RYR2: variants seen among roughly 807,000 people sequenced by gnomAD.
The protein encoded by RYR2 is ryanodine receptor 2.
In RYR2, 227 loss-of-function variants were observed where a neutral mutation model predicts 601.1. That is an observed-to-expected ratio of 0.38 (90% CI 0.34 to 0.42). The LOEUF is 0.42. Ranked by LOEUF, RYR2 falls within the 10% of genes least tolerant of loss-of-function variation. RYR2 has a pLI of 1.00. For missense variants in RYR2, 4,646 were observed against 6,156.5 expected (o/e 0.75, Z 8.21); for synonymous variants, 2,223 against 2,175.1 (o/e 1.02, Z -0.61).
intron 1 of RYR2, among the ~76,000 whole-genome samples, chr1:237,062,851 T>C (rs1352945335): frequency 6.6e-6 from 1 of 152,202 alleles, no homozygotes; most frequent in African/African-American, 2.4e-5. Flanking sequence ...TACTAAGCTG[T>C]TTTGTTTTGT....
intron 2 of RYR2, among the ~76,000 whole-genome samples, chr1:237,329,314 T>C (rs1696478754): frequency 6.6e-6 from 1 of 152,052 alleles, no homozygotes; most frequent in Non-Finnish European, 1.5e-5. Context: ...CTCTGAATAG[T>C]TGGGACTACA....
At chr1:237,276,816 A>C (rs1472073046) in intron 2 of RYR2, among the ~76,000 whole-genome samples, 1 of 152,220 alleles carries the variant, frequency 6.6e-6, no homozygotes, top group Non-Finnish European at 1.5e-5. Context: ...AGTGTGGTAG[A>C]AGTATTCCCT....
intron 71 of RYR2, among the ~76,000 whole-genome samples, chr1:237,713,789 G>A (rs999786087): frequency 1.3e-5 from 2 of 152,120 alleles, no homozygotes; most frequent in Non-Finnish European, 2.9e-5. Flanking sequence ...TGTGAGAAAG[G>A]TGGGTTTTGC....
chr1:237,424,185 A>G (rs1386376017), intron 12 of RYR2, among the ~76,000 whole-genome samples: 1 of 152,144 alleles, frequency 6.6e-6, no homozygotes, highest in East Asian at 1.9e-4. Flanking sequence ...TATCAATTGC[A>G]TATTTCTGTT....
intron 1 of RYR2, among the ~76,000 whole-genome samples, chr1:237,063,050 G>A (rs1010859693): frequency 1.9e-4 from 29 of 152,220 alleles, no homozygotes; most frequent in Middle Eastern, 3.4e-3. Flanking sequence ...ATAGTAGTGG[G>A]AGATGGTAGA....
rs775738392 is a variant in RYR2, at chr1:237,550,570, C to T, written c.3093C>T (p.Arg1031=). Residue 1031 remains arginine (R), a synonymous_variant, in exon 27 of 105, where the codon CGC becomes CGT. Transcript: ENST00000366574. ...ACGTAAAGAACAGAAGAAATCCTCG[C>T]CTTGTTCCCTACACTCTTCTGGATG... ...QQDVKNRRNP[R]LVPYTLLDDR... The T allele has an allele frequency of 9.9e-6, 16 of 1,609,130 alleles. No individual in the cohort carries two copies. The highest frequency in any genetic ancestry group is 1.3e-5 in the Non-Finnish European group (15 of 1,177,784).
At position 237,805,578 on chromosome 1, in the gene RYR2, C is replaced by T. The variant is rs1332855657; in HGVS notation, c.14152-559C>T. 1.2e-3 allele frequency among the ~76,000 whole-genome samples: 38 copies of T among 30,600 alleles called. No individual in the cohort carries two copies. In the East Asian group the frequency reaches 0.021, roughly 17 times the overall value. The allele number at this position is 30,600 out of a possible 152,430, so 20.1% of individuals were successfully genotyped here. A position where few individuals can be genotyped will look rare whatever the true frequency, so the allele number is the denominator to read the frequency against. ...CCTGGGCGACAGAGCTAGACTCTGT[C>T]TCAAAAAAAAAAAAAAAAAAAAAAA... On this transcript the variant is annotated intron_variant, in intron 98 of 104. Transcript: ENST00000366574.
At chr1:237,821,612 C>T (rs190435796) in intron 101 of RYR2, among the ~76,000 whole-genome samples, 1 of 152,122 alleles carries the variant, frequency 6.6e-6, no homozygotes, top group African/African-American at 2.4e-5. Flanking sequence ...TGGAACACCT[C>T]CTCTCCTCCA....
At chr1:237,747,552 C>T (rs1375621627) in intron 80 of RYR2, among the ~76,000 whole-genome samples, 3 of 152,094 alleles carry the variant, frequency 2.0e-5, no homozygotes, top group Non-Finnish European at 2.9e-5. Context: ...TATAGCACTA[C>T]CCCAATGATG....
intron 1 of RYR2, among the ~76,000 whole-genome samples, chr1:237,155,833 T>C (rs1675269172): frequency 1.3e-5 from 2 of 152,182 alleles, no homozygotes; most frequent in East Asian, 3.9e-4. Context: ...CACCATGGCA[T>C]TGAGGAAGGC....
chr1:237,448,375 A>T (rs1318816910), intron 14 of RYR2, among the ~76,000 whole-genome samples: 1 of 152,136 alleles, frequency 6.6e-6, no homozygotes, highest in Non-Finnish European at 1.5e-5. Flanking sequence ...ACTTTGTGAG[A>T]CTGATCGCTT....
chr1:237,157,012 C>A (rs552873403), intron 1 of RYR2, among the ~76,000 whole-genome samples: 1 of 152,158 alleles, frequency 6.6e-6, no homozygotes, highest in East Asian at 1.9e-4. Context: ...AACCACCATA[C>A]GGGCCGGGCA....
intron 24 of RYR2, among the ~76,000 whole-genome samples, chr1:237,526,004 A>G (rs180790837): frequency 1.3e-5 from 2 of 151,886 alleles, no homozygotes; most frequent in Admixed American, 1.3e-4. Context: ...AATAATAAAT[A>G]TAATGATTTC....
intron 71 of RYR2, among the ~76,000 whole-genome samples, chr1:237,714,385 G>A (rs1311757741): frequency 6.6e-6 from 1 of 152,210 alleles, no homozygotes; most frequent in Admixed American, 6.5e-5. Context: ...AGTCAAAGAT[G>A]TCAGAGGTAA....
In RYR2 at chr1:237,803,210, A is replaced by G. The variant is rs77505837; in HGVS notation, c.14151+1294A>G. Among the ~76,000 whole-genome samples, 589 of 152,306 alleles carry G rather than the reference A, an allele frequency of 3.9e-3. 4 individuals are homozygous for G. The highest frequency in any genetic ancestry group is 0.034 in the East Asian group (177 of 5,186). On this transcript the variant is annotated intron_variant, in intron 98 of 104. Coordinates refer to ENST00000366574, the MANE Select transcript of RYR2 (RefSeq NM_001035.3). Reference sequence around the variant, plus strand: ...ATTCAAATTTTACTGTGCAGCAAGCACATGTGTAGACCACACATGCACCTT... The same window carrying G: ...ATTCAAATTTTACTGTGCAGCAAGCGCATGTGTAGACCACACATGCACCTT...
At chr1:237,070,410 CAATT>C (rs1289806316) in intron 1 of RYR2, among the ~76,000 whole-genome samples, 6 of 152,088 alleles carry the variant, frequency 3.9e-5, no homozygotes, top group African/African-American at 1.2e-4. Flanking sequence ...TAACAGAAAA[CAATT>C]AAACATTTAG....
chr1:237,109,321 T>A (rs1422006832), intron 1 of RYR2, among the ~76,000 whole-genome samples: 1 of 149,162 alleles, frequency 6.7e-6, no homozygotes, highest in African/African-American at 2.4e-5. Context: ...TTGAGAAATA[T>A]AATCTTAGAA....
intron 16 of RYR2, among the ~76,000 whole-genome samples, chr1:237,457,172 C>G (rs955650388): frequency 2.0e-5 from 3 of 152,040 alleles, no homozygotes; most frequent in African/African-American, 7.2e-5. Flanking sequence ...TTAAATATTT[C>G]CTTTTTGCTT....
At chr1:237,562,157 T>C (rs972939295) in intron 27 of RYR2, among the ~76,000 whole-genome samples, 3 of 152,186 alleles carry the variant, frequency 2.0e-5, no homozygotes, top group Non-Finnish European at 4.4e-5. Context: ...TGTAGTATCT[T>C]TGGAGTACTG....
Sources: allele counts gnomAD v4.1 joint callset (sites outside exome capture counted in the v4.1 genomes callset), GRCh38; gene constraint gnomAD v4.1.1; transcripts MANE v1.5; gene names NCBI Gene and HGNC (gene_info 2026-07-23, HGNC 2026-07-21).